GALNTL6: variants seen among roughly 807,000 people sequenced by gnomAD.
GALNTL6 encodes polypeptide N-acetylgalactosaminyltransferase like 6, also known as polypeptide N-acetylgalactosaminyltransferase-like 6.
A neutral mutation model predicts 73.7 loss-of-function variants in GALNTL6; 46 were observed. That is an observed-to-expected ratio of 0.62 (90% confidence interval 0.49 to 0.80). The LOEUF (loss-of-function observed/expected upper bound fraction) is 0.80, where lower values mean the gene tolerates loss of function less well. GALNTL6 is among the 30% of genes least tolerant of loss of function. GALNTL6 has a pLI of 0.00. For synonymous variants in GALNTL6, 259 were observed against 263.7 expected, an observed-to-expected ratio of 0.98 and a Z score of 0.17; for missense variants, 604 against 755.0, an observed-to-expected ratio of 0.80 and a Z score of 2.34.
chr4:172,057,991 G>A (rs1256256159), intron 2 of GALNTL6, among the ~76,000 whole-genome samples: 1 of 151,856 alleles, frequency 6.6e-6, no homozygotes, highest in African/African-American at 2.4e-5. Context: ...TTGTGTGCTT[G>A]TACTCCATGT....
intron 2 of GALNTL6, among the ~76,000 whole-genome samples, chr4:171,831,327 A>C (rs1029286682): frequency 6.6e-6 from 1 of 152,034 alleles, no homozygotes; most frequent in Non-Finnish European, 1.5e-5. Flanking sequence ...GACAAGCTTT[A>C]TTTGGTAGAG....
chr4:173,018,405 T>G (rs991476665), intron 11 of GALNTL6, among the ~76,000 whole-genome samples: 1 of 152,234 alleles, frequency 6.6e-6, no homozygotes, highest in Non-Finnish European at 1.5e-5. Flanking sequence ...TAATTGTGGG[T>G]TTTATTTATT....
intron 10 of GALNTL6, among the ~76,000 whole-genome samples, chr4:172,979,834 G>A (rs1388178321): frequency 6.6e-6 from 1 of 152,174 alleles, no homozygotes; most frequent in Non-Finnish European, 1.5e-5. Flanking sequence ...AGATGAAGCA[G>A]GAATAGAGGG....
chr4:172,938,353 A>G (rs1458999149), intron 9 of GALNTL6, among the ~76,000 whole-genome samples: 1 of 152,210 alleles, frequency 6.6e-6, no homozygotes, highest in Non-Finnish European at 1.5e-5. Flanking sequence ...CAAGTCGATT[A>G]ATAAATGCTT....
chr4:172,226,938 T>A (rs1180559878), intron 2 of GALNTL6, among the ~76,000 whole-genome samples: 2 of 152,224 alleles, frequency 1.3e-5, no homozygotes, highest in Non-Finnish European at 2.9e-5. Context: ...AAATTAAATT[T>A]AGAGTTTTTG....
chr4:172,480,299 C>T (rs338025), intron 5 of GALNTL6, among the ~76,000 whole-genome samples: 20,106 of 151,360 alleles, frequency 0.13, 1,376 homozygotes, highest in East Asian at 0.23. Flanking sequence ...GGCAACAGGG[C>T]GAGGCCCTGT....
At chr4:171,853,012 A>ATTTTTTTTTT (rs765984611) in intron 2 of GALNTL6, among the ~76,000 whole-genome samples, 438 of 86,800 alleles carry the variant, frequency 5.0e-3, no homozygotes, top group African/African-American at 0.01. Flanking sequence ...CGCCCGGCTA[A>ATTTTTTTTTT]TTTTTTTTTT....
chr4:172,308,015 T>TTTTTTTTTTTTTTTTG, intron 3 of GALNTL6, among the ~76,000 whole-genome samples: 1 of 135,864 alleles, frequency 7.4e-6, no homozygotes, highest in African/African-American at 2.7e-5. Context: ...TTTTTTTTTT[T>TTTTTTTTTTTTTTTTG]TTTTTTTTTT....
At chr4:172,433,740 G>A (rs1364183319) in intron 5 of GALNTL6, among the ~76,000 whole-genome samples, 1 of 151,668 alleles carries the variant, frequency 6.6e-6, no homozygotes, top group African/African-American at 2.4e-5. Context: ...CTTCCATTGG[G>A]TTATTTACTC....
chr4:171,840,384 T>C (rs1459537155), intron 2 of GALNTL6, among the ~76,000 whole-genome samples: 1 of 144,182 alleles, frequency 6.9e-6, no homozygotes, highest in Non-Finnish European at 1.5e-5. Context: ...GAAATAAACA[T>C]ATTAAAGAAA....
At chr4:172,912,889 G>C (rs1747289914) in intron 8 of GALNTL6, among the ~76,000 whole-genome samples, 1 of 152,182 alleles carries the variant, frequency 6.6e-6, no homozygotes, top group African/African-American at 2.4e-5. Flanking sequence ...CATGGAGTTT[G>C]AGGTCTGAGA....
intron 2 of GALNTL6, among the ~76,000 whole-genome samples, chr4:171,873,943 A>G (rs1736204100): frequency 1.3e-5 from 2 of 152,184 alleles, no homozygotes; most frequent in Non-Finnish European, 2.9e-5. Context: ...AGAAACTGAA[A>G]TTAACATATG....
intron 2 of GALNTL6, among the ~76,000 whole-genome samples, chr4:172,177,819 G>GTGTGTA (rs1560955655): frequency 0.012 from 1,594 of 131,288 alleles, 35 homozygotes; most frequent in Non-Finnish European, 0.018. Flanking sequence ...ATATGTGTGT[G>GTGTGTA]TATATATACA....
chr4:172,430,403 GAATTATAGAAAGC>G (rs897384212), intron 5 of GALNTL6, among the ~76,000 whole-genome samples: 8 of 151,996 alleles, frequency 5.3e-5, no homozygotes, highest in African/African-American at 1.7e-4. Context: ...TCCCAAAATC[GAATTATAGAAAGC>G]GTATCTCTAA....
Position 172,811,961 on chromosome 4 carries a change from T to C in GALNTL6, c.740-1579T>C, listed in dbSNP as rs183211230. Among the ~76,000 whole-genome samples, 19 of 152,332 alleles carry C rather than the reference T, an allele frequency of 1.2e-4. No homozygotes were observed. The East Asian group carries it at 3.5e-3, about 28-fold the overall frequency. On this transcript the variant is annotated intron_variant, in intron 6 of 12. Coordinates refer to ENST00000506823, the MANE Select transcript of GALNTL6 (RefSeq NM_001034845.3). ...GAACAAGTGACTAGCACGTAGTTTC[T>C]AATCAATAAATAATTGTTGAAATAT...
intron 2 of GALNTL6, among the ~76,000 whole-genome samples, chr4:171,989,445 T>G (rs1438024571): frequency 6.6e-6 from 1 of 152,186 alleles, no homozygotes; most frequent in Non-Finnish European, 1.5e-5. Context: ...GGAGGAATCC[T>G]GGGCTGTGGG....
At chr4:172,285,381 C>G (rs892104548) in intron 3 of GALNTL6, among the ~76,000 whole-genome samples, 5 of 152,104 alleles carry the variant, frequency 3.3e-5, no homozygotes, top group African/African-American at 1.2e-4. Flanking sequence ...ACATTGATAC[C>G]TAATCCCCAT....
intron 7 of GALNTL6, among the ~76,000 whole-genome samples, chr4:172,816,199 A>G (rs112240055): frequency 1.1e-3 from 168 of 152,348 alleles, no homozygotes; most frequent in African/African-American, 3.8e-3. Flanking sequence ...AAGAAGGGAA[A>G]CAAAGAAGAA....
intron 2 of GALNTL6, among the ~76,000 whole-genome samples, chr4:172,039,504 G>A (rs1742026860): frequency 6.6e-6 from 1 of 152,142 alleles, no homozygotes; most frequent in African/African-American, 2.4e-5. Context: ...TCACCATGGG[G>A]AGATTCCCAC....
Sources: gnomAD v4.1 joint callset for allele counts (sites outside exome capture counted in the v4.1 genomes callset) on GRCh38, gnomAD v4.1.1 for gene constraint, MANE v1.5 for transcripts, NCBI Gene and HGNC (gene_info 2026-07-23, HGNC 2026-07-21) for gene names.